SPDYA: variants seen among roughly 807,000 people sequenced by gnomAD.
The protein encoded by SPDYA is speedy protein A.
Under a neutral mutation model 36.7 loss-of-function variants are expected in SPDYA, and 11 were observed. That is an observed-to-expected ratio of 0.30 (90% CI 0.19 to 0.50). The LOEUF is 0.50. SPDYA is among the 20% of genes least tolerant of loss of function. The probability of loss-of-function intolerance (pLI) is 0.98; values close to 1 mark genes in which losing one functional copy is unlikely to be tolerated. For missense variants in SPDYA, 287 were observed against 370.9 expected, an observed-to-expected ratio of 0.77 and a Z score of 1.86; for synonymous variants, 115 against 118.7, an observed-to-expected ratio of 0.97 and a Z score of 0.20.
At chr2:28,825,784 C>A (rs1234799184) in intron 5 of SPDYA, among the ~76,000 whole-genome samples, 1 of 152,082 alleles carries the variant, frequency 6.6e-6, no homozygotes, top group Admixed American at 6.6e-5. Context: ...GTCACCCAGG[C>A]TGGAGTGCAG....
rs150376850 is a variant in SPDYA, at chr2:28,816,414, A to G, written c.235+165A>G. The stretch of plus-strand genomic sequence containing the variant: ...TGTTTTACTTAGTCTTTTTTTTTCA[A>G]TGTTGGGTTTTTGTTTGTTTTGTTT... On this transcript the variant is annotated intron_variant, in intron 3 of 7. Coordinates refer to ENST00000334056, the MANE Select transcript of SPDYA (RefSeq NM_182756.4). Among the ~76,000 whole-genome samples the G allele has an allele frequency of 1.4e-3, 210 of 151,738 alleles. 1 individual carries two copies. In the East Asian group the frequency reaches 0.032, roughly 23 times the overall value.
chr2:28,825,942 G>T (rs1553315383), intron 5 of SPDYA, among the ~76,000 whole-genome samples: 15 of 151,500 alleles, frequency 9.9e-5, no homozygotes, highest in Non-Finnish European at 1.5e-5. Context: ...ATGGAGTTTT[G>T]CCATGTTGCC....
At chr2:28,842,741 A>C (rs1446075737) in intron 7 of SPDYA, among the ~76,000 whole-genome samples, 1 of 152,242 alleles carries the variant, frequency 6.6e-6, no homozygotes. Flanking sequence ...TTGATTGTAC[A>C]CATATTTTAC....
chr2:28,829,953 AAAAAAAG>A (rs1478793897), intron 6 of SPDYA, among the ~76,000 whole-genome samples: 4 of 126,026 alleles, frequency 3.2e-5, no homozygotes, highest in Non-Finnish European at 6.7e-5. Context: ...CAAAAAAAAA[AAAAAAAG>A]AAAAGAAAAG....
chr2:28,826,295 C>T (rs759044065), intron 5 of SPDYA, among the ~76,000 whole-genome samples: 1 of 152,062 alleles, frequency 6.6e-6, no homozygotes, highest in Non-Finnish European at 1.5e-5. Context: ...GACCACCATG[C>T]CTGGTTAACT....
rs1667821979 is a variant in SPDYA, at chr2:28,810,883, G to T, written c.-157G>T. 6.6e-6 allele frequency: 1 copy of T among 152,260 alleles called. No homozygotes were observed. The highest frequency in any genetic ancestry group is 6.5e-5 in the Admixed American group (1 of 15,286). 9.4% of individuals were successfully genotyped at this position (152,260 alleles called of 1,614,324 possible). On this transcript the variant is annotated 5_prime_UTR_variant, in exon 1 of 8. Transcript: ENST00000334056. Reference sequence around the variant, plus strand: ...GACGAGCAACCGTCTGAGGCCAGGAGCGCTGCGACGGAGCCTTGACCGCCG... The same window carrying T: ...GACGAGCAACCGTCTGAGGCCAGGATCGCTGCGACGGAGCCTTGACCGCCG...
intron 6 of SPDYA, among the ~76,000 whole-genome samples, chr2:28,836,632 C>T (rs1462923257): frequency 1.3e-5 from 2 of 152,126 alleles, no homozygotes; most frequent in African/African-American, 2.4e-5. Context: ...TGTCTGCTTT[C>T]CCCTTTTAGT....
intron 6 of SPDYA, among the ~76,000 whole-genome samples, chr2:28,835,780 T>C (rs1668582154): frequency 6.6e-6 from 1 of 152,250 alleles, no homozygotes; most frequent in Non-Finnish European, 1.5e-5. Flanking sequence ...ATTTGAATCC[T>C]GTAGGCGTAT....
intron 5 of SPDYA, among the ~76,000 whole-genome samples, chr2:28,826,053 CT>C (rs1465817065): frequency 1.3e-5 from 2 of 152,030 alleles, no homozygotes; most frequent in Admixed American, 6.6e-5. Flanking sequence ...TTTAAGACCT[CT>C]TTTTCTTTGG....
At chr2:28,828,230 G>A (rs189087099) in intron 5 of SPDYA, among the ~76,000 whole-genome samples, 37 of 151,964 alleles carry the variant, frequency 2.4e-4, no homozygotes, top group Middle Eastern at 3.4e-3. Context: ...CAAGCAATCC[G>A]CCCACCTTGG....
At chr2:28,819,155 A>T in intron 4 of SPDYA, 49 bp downstream of exon 4, 3 of 1,364,696 alleles carry the variant, frequency 2.2e-6, no homozygotes. Context: ...AATGTAACTG[A>T]ACCATTAGAG....
At chr2:28,847,212 G>A (rs554922308) in intron 7 of SPDYA, among the ~76,000 whole-genome samples, 9 of 151,804 alleles carry the variant, frequency 5.9e-5, no homozygotes, top group East Asian at 1.9e-4. Context: ...GCGTGGGAGC[G>A]TGTGTCTGTA....
chr2:28,831,814 G>A (rs1036819828), intron 6 of SPDYA, among the ~76,000 whole-genome samples: 2 of 152,054 alleles, frequency 1.3e-5, no homozygotes, highest in Admixed American at 6.6e-5. Flanking sequence ...ACCTACATGC[G>A]TACCCCTATA....
At chr2:28,815,527 G>C (rs1211745731) in intron 2 of SPDYA, among the ~76,000 whole-genome samples, 1 of 151,668 alleles carries the variant, frequency 6.6e-6, no homozygotes, top group East Asian at 1.9e-4. Context: ...GTGGGAGGGG[G>C]GGTGCTTTGT....
At chr2:28,815,315 C>CAT (rs2148074814) in intron 2 of SPDYA, among the ~76,000 whole-genome samples, 1 of 150,120 alleles carries the variant, frequency 6.7e-6, no homozygotes, top group South Asian at 2.1e-4. Context: ...CACACACACA[C>CAT]ACACACACAC....
At chr2:28,845,249 C>CTTTTTTTTTTTTTTTTT (rs372229883) in intron 7 of SPDYA, among the ~76,000 whole-genome samples, 3 of 132,574 alleles carry the variant, frequency 2.3e-5, no homozygotes, top group Non-Finnish European at 3.1e-5. Flanking sequence ...CCATGCCCAG[C>CTTTTTTTTTTTTTTTTT]TTTTTTTTTT....
chr2:28,843,380 T>C (rs1288965081), intron 7 of SPDYA, among the ~76,000 whole-genome samples: 1 of 151,952 alleles, frequency 6.6e-6, no homozygotes, highest in Non-Finnish European at 1.5e-5. Flanking sequence ...TAAAACCCTG[T>C]CTCTATTAAA....
chr2:28,814,136 G>A (rs927367910), intron 1 of SPDYA, among the ~76,000 whole-genome samples: 2 of 152,120 alleles, frequency 1.3e-5, no homozygotes, highest in Non-Finnish European at 2.9e-5. Context: ...GTAGCCCTGT[G>A]CTATCTAATA....
chr2:28,813,266 T>C (rs1667897956), intron 1 of SPDYA, among the ~76,000 whole-genome samples: 1 of 152,242 alleles, frequency 6.6e-6, no homozygotes, highest in Non-Finnish European at 1.5e-5. Flanking sequence ...TAAAGACGCC[T>C]ACTGTGGATA....
Sources: gnomAD v4.1 joint callset for allele counts (sites outside exome capture counted in the v4.1 genomes callset) on GRCh38, gnomAD v4.1.1 for gene constraint, MANE v1.5 for transcripts, NCBI Gene and HGNC (gene_info 2026-07-23, HGNC 2026-07-21) for gene names.